The following FBN2 variants were observed in gnomAD, a reference collection of about 807,000 sequenced individuals.
FBN2 encodes the protein fibrillin-2.
Under a neutral mutation model 355.6 loss-of-function variants are expected in FBN2, and 105 were observed. The ratio of observed to expected loss-of-function variants is 0.30; its 90% CI spans 0.25 to 0.35. The LOEUF is 0.35. FBN2 is among the 10% of genes least tolerant of loss of function. FBN2 has a pLI of 1.00. For missense variants in FBN2, 3,280 were observed against 3,758.7 expected, an observed-to-expected ratio of 0.87 and a Z score of 3.33; for synonymous variants, 1,350 against 1,301.2, an observed-to-expected ratio of 1.04 and a Z score of -0.81.
chr5:128,444,826 A>G (rs541124887), intron 7 of FBN2, among the ~76,000 whole-genome samples: 5 of 152,376 alleles, frequency 3.3e-5, no homozygotes, highest in African/African-American at 1.2e-4. Context: ...TGTGCATTAG[A>G]AATGTCACAA....
At chr5:128,476,920 C>T (rs1257026493) in intron 5 of FBN2, among the ~76,000 whole-genome samples, 1 of 152,162 alleles carries the variant, frequency 6.6e-6, no homozygotes, top group Non-Finnish European at 1.5e-5. Context: ...GCATAGAAAG[C>T]TTTTAACTAA....
intron 17 of FBN2, 121 bp from the exon 18 acceptor site, chr5:128,364,846 C>T: frequency 1.2e-6 from 1 of 840,652 alleles, no homozygotes; most frequent in East Asian, 2.7e-5. Context: ...TCACAATTTG[C>T]CTGCCTTTCA....
rs145397241 is a variant in FBN2 at position 128,278,050 on chromosome 5, C to T, written c.7346-45G>A. ...AAACAATCAGGAGTTAACATATATGCAAGGGTAAAACTGGTTAGAATCAAA... is the reference window on the plus strand; with the variant it reads ...AAACAATCAGGAGTTAACATATATGTAAGGGTAAAACTGGTTAGAATCAAA... On this transcript the variant is annotated intron_variant, in intron 57 of 64. Coordinates refer to ENST00000262464, the MANE Select transcript of FBN2 (RefSeq NM_001999.4). 70 of 1,605,690 alleles carry T rather than the reference C, an allele frequency of 4.4e-5. No individual in the cohort carries two copies. The African/African-American group carries it at 9.0e-4, about 21-fold the overall frequency.
intron 7 of FBN2, among the ~76,000 whole-genome samples, chr5:128,412,329 C>T (rs889215191): frequency 6.6e-6 from 1 of 152,206 alleles, no homozygotes; most frequent in Non-Finnish European, 1.5e-5. Context: ...CAGCTTTAGG[C>T]TATTCCTTTG....
rs200608284 is a variant in FBN2, at chr5:128,289,877, C to T, written c.6511+5G>A. The T allele has an allele frequency of 4.5e-3, 6,877 of 1,540,266 alleles. 34 individuals carry two copies. Among genetic ancestry groups the T allele is most frequent in the Non-Finnish European group, 5.7e-3 (6,365 of 1,113,396 alleles). On this transcript the variant is annotated splice_donor_5th_base_variant and intron_variant, in intron 51 of 64. Transcript: ENST00000262464. ...AATATAGGAATAAAATATATCAAAG[C>T]GTACCTTCACGTGTATCATGAAGAC...
At chr5:128,503,435 G>A (rs1755869020) in intron 5 of FBN2, among the ~76,000 whole-genome samples, 1 of 152,174 alleles carries the variant, frequency 6.6e-6, no homozygotes, top group African/African-American at 2.4e-5. Flanking sequence ...CAGTTTGGAG[G>A]GCTCAGAAGA....
intron 7 of FBN2, among the ~76,000 whole-genome samples, chr5:128,438,698 G>A (rs748540539): frequency 1.3e-5 from 2 of 152,166 alleles, no homozygotes; most frequent in African/African-American, 2.4e-5. Flanking sequence ...TTGTTCCGGG[G>A]AGACAAGAGT....
Position 128,364,782 on chromosome 5 carries a change from A to C in FBN2, c.2303-57T>G, listed in dbSNP as rs1176249529. ...AACAAACATGTTATTGTTTGTTGAT[A>C]AATGCAGGTCTAGTAAAGACCATTC... On this transcript the variant is annotated intron_variant, in intron 17 of 64. Transcript: ENST00000262464. 8 of 1,462,232 alleles carry C rather than the reference A, an allele frequency of 5.5e-6. No individual in the cohort carries two copies. In the East Asian group the frequency reaches 1.4e-4, roughly 25 times the overall value. 90.6% of individuals were successfully genotyped at this position (1,462,232 alleles called of 1,614,324 possible).
At chr5:128,516,298 C>G (rs6892484) in intron 5 of FBN2, among the ~76,000 whole-genome samples, 24,653 of 151,806 alleles carry the variant, frequency 0.16, 3,636 homozygotes, top group African/African-American at 0.39. Flanking sequence ...GATACATAAA[C>G]AATTGAGTAC....
intron 63 of FBN2, among the ~76,000 whole-genome samples, chr5:128,262,290 T>C (rs1206722584): frequency 1.3e-5 from 2 of 152,172 alleles, no homozygotes; most frequent in African/African-American, 4.8e-5. Flanking sequence ...AACTTCTGCC[T>C]TCAAGCGATT....
intron 5 of FBN2, among the ~76,000 whole-genome samples, chr5:128,488,211 GA>G (rs1485334902): frequency 1.3e-5 from 2 of 151,950 alleles, no homozygotes; most frequent in Non-Finnish European, 2.9e-5. Context: ...TTACAAAAAT[GA>G]ATTTTAAGCT....
chr5:128,412,068 A>G (rs918402577), intron 7 of FBN2, among the ~76,000 whole-genome samples: 3 of 152,164 alleles, frequency 2.0e-5, no homozygotes, highest in Non-Finnish European at 4.4e-5. Flanking sequence ...TGTTCTGCAC[A>G]CTGAATATAC....
At chr5:128,371,118 G>A (rs1331451929) in intron 15 of FBN2, 2 of 152,006 alleles carry the variant, frequency 1.3e-5, no homozygotes, top group Admixed American at 1.3e-4. Flanking sequence ...GTAAAGTGCA[G>A]CAGTGAGAAG....
intron 34 of FBN2, among the ~76,000 whole-genome samples, chr5:128,320,298 A>G (rs1389563906): frequency 6.6e-6 from 1 of 151,434 alleles, no homozygotes; most frequent in African/African-American, 2.4e-5. Context: ...CACTGCAGCC[A>G]CAATCTCCTG....
intron 8 of FBN2, among the ~76,000 whole-genome samples, chr5:128,401,806 C>T (rs1371885317): frequency 6.6e-6 from 1 of 152,040 alleles, no homozygotes; most frequent in Non-Finnish European, 1.5e-5. Context: ...TAATAATAAC[C>T]ATTGTTCTAC....
At chr5:128,313,967 A>G (rs985191404) in intron 36 of FBN2, among the ~76,000 whole-genome samples, 2 of 149,446 alleles carry the variant, frequency 1.3e-5, no homozygotes, top group African/African-American at 4.9e-5. Context: ...CACCATCATT[A>G]TCCCTTTACC....
rs114792038 is a variant in FBN2 at position 128,445,289 on chromosome 5, A to T, written c.952+1192T>A. Among the ~76,000 whole-genome samples the T allele has an allele frequency of 8.5e-3, 1,291 of 152,334 alleles. 17 individuals are homozygous for T. The highest frequency in any genetic ancestry group is 0.028 in the African/African-American group (1,160 of 41,576). ...GAGCATGAAATTAATTTGTAATTAC[A>T]TAAAATGTATATAACTATAACAATT... On this transcript the variant is annotated intron_variant, in intron 7 of 64. Coordinates refer to ENST00000262464, the MANE Select transcript of FBN2 (RefSeq NM_001999.4).
Position 128,305,567 on chromosome 5 carries a change from C to T in FBN2, c.5618G>A (p.Ser1873Asn), listed in dbSNP as rs1277769111. 1 of 1,613,934 alleles carries T rather than the reference C, an allele frequency of 6.2e-7. No individual in the cohort carries two copies. Among genetic ancestry groups the T allele is most frequent in the Non-Finnish European group, 8.5e-7 (1 of 1,179,948 alleles). ...ACCCGCGGCACATTCACAGCGGTAA[C>T]TACCAGGACTATTGATGCAGTCTGC... The part of the protein sequence containing the change: ...RNADCINSPG[S>N]YRCECAAGFK... Residue 1873 changes from serine to asparagine, a missense_variant, in exon 44 of 65, where the codon AGT becomes AAT. Coordinates refer to ENST00000262464, the MANE Select transcript of FBN2 (RefSeq NM_001999.4).
At chr5:128,448,926 TA>T (rs1561462422) in intron 6 of FBN2, among the ~76,000 whole-genome samples, 1 of 151,994 alleles carries the variant, frequency 6.6e-6, no homozygotes, top group Non-Finnish European at 1.5e-5. Context: ...TTCATCCACA[TA>T]GGAACAGAAA....
Sources: allele counts gnomAD v4.1 joint callset (sites outside exome capture counted in the v4.1 genomes callset), GRCh38; gene constraint gnomAD v4.1.1; transcripts MANE v1.5; gene names NCBI Gene and HGNC (gene_info 2026-07-23, HGNC 2026-07-21).